The following DGAT2 variants were observed in gnomAD, a reference collection of about 807,000 sequenced individuals.
DGAT2 encodes acyl-CoA retinol O-fatty-acyltransferase.
A neutral mutation model predicts 48.4 loss-of-function variants in DGAT2; 33 were observed. The ratio of observed to expected loss-of-function variants is 0.68; its 90% CI spans 0.52 to 0.91. The LOEUF is 0.91. Among genes scored for constraint, DGAT2 ranks in the 40% least tolerant of loss-of-function variants. The probability of loss-of-function intolerance (pLI) is 0.00; values close to 1 mark genes in which losing one functional copy is unlikely to be tolerated. For missense variants in DGAT2, 446 were observed against 493.7 expected, an observed-to-expected ratio of 0.90 and a Z score of 0.92; for synonymous variants, 191 against 194.1, an observed-to-expected ratio of 0.98 and a Z score of 0.13.
At position 75,769,032 on chromosome 11, in the gene DGAT2, G is replaced by T; in HGVS notation, c.41G>T (p.Gly14Val). ...LIAAYSGVLR[G>V]ERQAEADRSQ... ...GCCGCCTACTCCGGGGTCCTGCGCG[G>T]CGAGCGTCAGGCCGAGGCTGACCGG... The change falls in exon 1 of 8, where the codon GGC (glycine) becomes GTC (valine). Residue 14 changes from glycine (G) to valine (V), a missense_variant. Gly to Val is a moderately radical substitution (Grantham distance 109). Coordinates refer to ENST00000228027, the MANE Select transcript of DGAT2 (RefSeq NM_032564.5). 6.3e-7 allele frequency: 1 copy of T among 1,576,418 alleles called. No individual in the cohort carries two copies. The highest frequency in any genetic ancestry group is 1.4e-5 in the African/African-American group (1 of 72,054).
chr11:75,796,280 G>T, intron 4 of DGAT2, 48 bp from the exon 5 acceptor site: 1 of 1,550,954 alleles, frequency 6.4e-7, no homozygotes, highest in Non-Finnish European at 8.9e-7. Flanking sequence ...GTATGCCCCG[G>T]TATCCCTCTC....
intron 1 of DGAT2, among the ~76,000 whole-genome samples, chr11:75,778,431 T>A (rs1944824182): frequency 6.6e-6 from 1 of 152,216 alleles, no homozygotes; most frequent in Non-Finnish European, 1.5e-5. Context: ...GGAAAAACTC[T>A]GCTTGCTCAC....
At position 75,796,495 on chromosome 11, in the gene DGAT2, C is replaced by A. The variant is rs1945055510; in HGVS notation, c.597C>A (p.Phe199Leu). Residue 199 changes from phenylalanine to leucine, a missense_variant, in exon 5 of 8, where the codon TTC (phenylalanine) becomes TTA (leucine). Coordinates refer to ENST00000228027, the MANE Select transcript of DGAT2 (RefSeq NM_032564.5). ...ACCTGGCTACACTGGCAGGCAACTTCCGAATGCCTGTGTTGAGGGAGTACC... is the reference window on the plus strand; with the variant it reads ...ACCTGGCTACACTGGCAGGCAACTTACGAATGCCTGTGTTGAGGGAGTACC... ...RPYLATLAGN[F>L]RMPVLREYLM... The A allele has an allele frequency of 6.2e-7, 1 of 1,613,348 alleles. No individual in the cohort carries two copies. Among genetic ancestry groups the A allele is most frequent in the African/African-American group, 1.3e-5 (1 of 74,918 alleles).
At chr11:75,793,603 C>T (rs1284427110) in intron 4 of DGAT2, 1 of 152,278 alleles carries the variant, frequency 6.6e-6, no homozygotes, top group Non-Finnish European at 1.5e-5. Context: ...CCTTTCAGGG[C>T]TCTGCCAGCC....
intron 7 of DGAT2, 48 bp downstream of exon 7, chr11:75,798,477 C>T: frequency 6.3e-7 from 1 of 1,594,840 alleles, no homozygotes; most frequent in Non-Finnish European, 8.5e-7. Context: ...CACAGGGTGC[C>T]ATACAGCTAA....
intron 7 of DGAT2, 100 bp from the exon 8 acceptor site, chr11:75,800,254 C>G: frequency 1.4e-6 from 2 of 1,396,212 alleles, no homozygotes; most frequent in Non-Finnish European, 1.9e-6. Flanking sequence ...GTTCCTTCCA[C>G]ATGGCGGGCC....
At position 75,797,300 on chromosome 11, in the gene DGAT2, CA is replaced by C; in HGVS notation, c.779del (p.Lys260ArgfsTer4). On this transcript the variant is annotated frameshift_variant, in exon 6 of 8. Transcript: ENST00000228027. LOFTEE classifies it high-confidence loss of function. ...AGAATGCAGTCACCCTGCGGAACCG[CA>C]AGGGCTTTGTGAAACTGGCCCTGCG... ...GKNAVTLRNR[K>X]GFVKLALRHG... 6.5e-7 allele frequency: 1 copy of C among 1,545,472 alleles called. No individual in the cohort carries two copies.
rs753265376 is a variant in DGAT2, at chr11:75,796,537, G to T, written c.634+5G>T. 1 of 1,611,206 alleles carries T rather than the reference G, an allele frequency of 6.2e-7. No individual in the cohort carries two copies. ...GGGAGTACCTGATGTCTGGAGGTAA[G>T]AATCCACCCCCTGTGCTCCTGCTGG... On this transcript the variant is annotated splice_donor_5th_base_variant and intron_variant, in intron 5 of 7. Transcript: ENST00000228027.
In DGAT2 at chr11:75,800,451, C is replaced by T. The variant is rs753905329; in HGVS notation, c.1110C>T (p.Phe370=). ...ACATGGAGGCCCTGGTGAAGCTCTT[C>T]GACAAGCACAAGACCAAGTTCGGCC... ...TMYMEALVKL[F]DKHKTKFGLP... The change falls in exon 8 of 8, where the codon TTC becomes TTT. Residue 370 remains phenylalanine, a synonymous_variant. Coordinates refer to ENST00000228027, the MANE Select transcript of DGAT2 (RefSeq NM_032564.5). 75 of 1,614,046 alleles carry T rather than the reference C, an allele frequency of 4.6e-5. No homozygotes were observed. Among genetic ancestry groups the T allele is most frequent in the Admixed American group, 2.0e-4 (12 of 60,008 alleles).
chr11:75,789,300 C>T (rs2135772838), intron 2 of DGAT2, among the ~76,000 whole-genome samples: 1 of 152,286 alleles, frequency 6.6e-6, no homozygotes, highest in East Asian at 1.9e-4. Context: ...AGGCACATGC[C>T]ACCTTGCCCA....
chr11:75,784,795 C>A, intron 2 of DGAT2, 49 bp downstream of exon 2: 1 of 1,611,194 alleles, frequency 6.2e-7, no homozygotes, highest in Non-Finnish European at 8.5e-7. Flanking sequence ...GTGTCCACTT[C>A]CCCAAAAGAG....
chr11:75,780,552 G>A (rs1944850461), intron 1 of DGAT2, among the ~76,000 whole-genome samples: 1 of 152,182 alleles, frequency 6.6e-6, no homozygotes, highest in Non-Finnish European at 1.5e-5. Flanking sequence ...AGAAACCCAA[G>A]TCCTGCTGCC....
chr11:75,779,961 A>G (rs543378479), intron 1 of DGAT2, among the ~76,000 whole-genome samples: 1 of 152,362 alleles, frequency 6.6e-6, no homozygotes, highest in Admixed American at 6.5e-5. Flanking sequence ...TCAGCTATGC[A>G]GTAAACCTCT....
chr11:75,790,820 T>C, intron 4 of DGAT2, 89 bp downstream of exon 4: 1 of 1,357,526 alleles, frequency 7.4e-7, no homozygotes, highest in Non-Finnish European at 1.1e-6. Flanking sequence ...GAAGCAAGTT[T>C]AGACCAAGTT....
chr11:75,786,294 G>A (rs747599120), intron 2 of DGAT2, among the ~76,000 whole-genome samples: 4 of 152,188 alleles, frequency 2.6e-5, no homozygotes, highest in Non-Finnish European at 5.9e-5. Context: ...AAAAAAGGAA[G>A]TGGAGGCCTG....
chr11:75,782,750 C>T (rs890112135), intron 1 of DGAT2, among the ~76,000 whole-genome samples: 4 of 152,216 alleles, frequency 2.6e-5, no homozygotes, highest in South Asian at 4.1e-4. Flanking sequence ...CATGACCCTC[C>T]GACTGTGTCC....
intron 2 of DGAT2, among the ~76,000 whole-genome samples, chr11:75,785,672 C>T (rs138715060): frequency 7.8e-4 from 119 of 152,302 alleles, no homozygotes; most frequent in African/African-American, 2.7e-3. Context: ...GAGTGCATTC[C>T]AGTGCCTGTG....
intron 4 of DGAT2, 98 bp downstream of exon 4, chr11:75,790,829 T>G: frequency 7.9e-7 from 1 of 1,260,890 alleles, no homozygotes; most frequent in Non-Finnish European, 1.2e-6. Flanking sequence ...TTAGACCAAG[T>G]TGGTCTCTTC....
At chr11:75,771,825 G>A (rs1944760927) in intron 1 of DGAT2, among the ~76,000 whole-genome samples, 1 of 152,148 alleles carries the variant, frequency 6.6e-6, no homozygotes, top group Admixed American at 6.5e-5. Context: ...CAAGAGTAAT[G>A]TTGTATTAAC....
Sources: allele counts gnomAD v4.1 joint callset (sites outside exome capture counted in the v4.1 genomes callset), GRCh38; gene constraint gnomAD v4.1.1; transcripts MANE v1.5; gene names NCBI Gene and HGNC (gene_info 2026-07-23, HGNC 2026-07-21).